Variants in PPM1A observed in about 807,000 individuals in gnomAD.
PPM1A encodes protein phosphatase 1A.
Under a neutral mutation model 35.0 loss-of-function variants are expected in PPM1A, and 7 were observed. That is an observed-to-expected ratio of 0.20 (90% CI 0.11 to 0.38). The LOEUF is 0.38. Among genes scored for constraint, PPM1A ranks in the 10% least tolerant of loss-of-function variants. PPM1A has a pLI of 1.00. For missense variants in PPM1A, 239 were observed against 467.8 expected, an observed-to-expected ratio of 0.51 and a Z score of 4.51; for synonymous variants, 153 against 167.3, an observed-to-expected ratio of 0.91 and a Z score of 0.66.
chr14:60,255,174 G>GTTTT (rs1219454729), intron 1 of PPM1A, among the ~76,000 whole-genome samples: 2 of 55,232 alleles, frequency 3.6e-5, no homozygotes, highest in African/African-American at 1.7e-4. Context: ...TTTTTTTTTT[G>GTTTT]TTTTGTTTTG....
rs1021199754 is a variant in PPM1A at position 60,295,619 on chromosome 14, C to G, written c.*3137C>G. Reference sequence around the variant, plus strand: ...AACTCAGTTTTTTTACAAAATGTTTCGAGTATTATTGGTAAAACACTGTTC... The same window carrying G: ...AACTCAGTTTTTTTACAAAATGTTTGGAGTATTATTGGTAAAACACTGTTC... On this transcript the variant is annotated 3_prime_UTR_variant, in exon 6 of 6. Coordinates refer to ENST00000395076, the MANE Select transcript of PPM1A (RefSeq NM_021003.5). The G allele has an allele frequency of 6.6e-6, 1 of 151,486 alleles. No homozygotes were observed. The highest frequency in any genetic ancestry group is 2.4e-5 in the African/African-American group (1 of 41,320). 9.4% of individuals were successfully genotyped at this position (151,486 alleles called of 1,614,324 possible).
At position 60,298,195 on chromosome 14, in the gene PPM1A, CAG is replaced by C. The variant is rs1013921865; in HGVS notation, c.*5715_*5716del. On this transcript the variant is annotated 3_prime_UTR_variant, in exon 6 of 6. Transcript: ENST00000395076. The stretch of plus-strand genomic sequence containing the variant: ...GAAATTCAACAGAAAAGAGGTAAAA[CAG>C]AAATGGAATGTATCTGGAACATTTT... 1 of 151,538 alleles carries C rather than the reference CAG, an allele frequency of 6.6e-6. No homozygotes were observed. Among genetic ancestry groups the C allele is most frequent in the African/African-American group, 2.4e-5 (1 of 41,362 alleles). 9.4% of individuals were successfully genotyped at this position (151,538 alleles called of 1,614,324 possible).
At chr14:60,247,909 T>C (rs1416907147), upstream of PPM1A, among the ~76,000 whole-genome samples, 1 of 152,160 alleles carries the variant, frequency 6.6e-6, no homozygotes, top group Admixed American at 6.5e-5. Context: ...CAGAACTCAA[T>C]TTGGCCAGTA....
In PPM1A at chr14:60,289,212, C is replaced by T. The variant is rs1035042596; in HGVS notation, c.953-594C>T. On this transcript the variant is annotated intron_variant, in intron 3 of 5. Transcript: ENST00000395076. This position sits in a 1 kb window ranked among gnomAD's most constrained non-coding sequence, Gnocchi z 4.1. ...AAGGAAATGGTATTATATATCTATA[C>T]AGTATATTGTTTAAAGGTACTTTAG... Among the ~76,000 whole-genome samples, 2 of 151,976 alleles carry T rather than the reference C, an allele frequency of 1.3e-5. No homozygotes were observed. Among genetic ancestry groups the T allele is most frequent in the Admixed American group, 6.6e-5 (1 of 15,244 alleles).
chr14:60,269,676 G>A (rs1181363471), intron 1 of PPM1A, among the ~76,000 whole-genome samples: 1 of 152,110 alleles, frequency 6.6e-6, no homozygotes, highest in East Asian at 1.9e-4. Context: ...AACCTCCCGA[G>A]TAGCTGGGAT....
intron 1 of PPM1A, among the ~76,000 whole-genome samples, chr14:60,255,162 T>C (rs1595264552): frequency 9.4e-6 from 1 of 106,718 alleles, no homozygotes; most frequent in South Asian, 2.9e-4. Flanking sequence ...ATCATATGTT[T>C]TTTTTTTTTT....
At chr14:60,252,367 G>A (rs1263804472) in intron 1 of PPM1A, among the ~76,000 whole-genome samples, 1 of 152,144 alleles carries the variant, frequency 6.6e-6, no homozygotes, top group Non-Finnish European at 1.5e-5. Context: ...TCTTGCCTGG[G>A]CACCTGACTC....
intron 1 of PPM1A, among the ~76,000 whole-genome samples, chr14:60,263,952 C>A (rs1884080384): frequency 6.9e-6 from 1 of 144,806 alleles, no homozygotes; most frequent in Non-Finnish European, 1.5e-5. Flanking sequence ...AATGTAATTT[C>A]TACTTTTTTT....
intron 1 of PPM1A, among the ~76,000 whole-genome samples, chr14:60,250,083 G>T (rs1882193134): frequency 6.6e-6 from 1 of 151,740 alleles, no homozygotes; most frequent in Admixed American, 6.5e-5. Flanking sequence ...CGGGCGCGCC[G>T]CCCCGGCTGT....
chr14:60,277,046 G>A, intron 1 of PPM1A: 1 of 1,210,712 alleles, frequency 8.3e-7, no homozygotes, highest in South Asian at 1.5e-5. Flanking sequence ...TAATACTAGT[G>A]CTGTGATGAG....
intron 1 of PPM1A, among the ~76,000 whole-genome samples, chr14:60,281,311 G>C (rs1046808892): frequency 3.9e-5 from 6 of 152,158 alleles, no homozygotes; most frequent in South Asian, 4.1e-4. Flanking sequence ...CAGAGGAGTA[G>C]GCAGATGGTT....
intron 1 of PPM1A, among the ~76,000 whole-genome samples, chr14:60,280,024 C>A (rs979462418): frequency 6.6e-6 from 1 of 151,382 alleles, no homozygotes; most frequent in Admixed American, 6.6e-5. Context: ...TTTTTTGAGA[C>A]GGAGTCTCGC....
intron 2 of PPM1A, among the ~76,000 whole-genome samples, chr14:60,284,636 C>T (rs1490491586): frequency 6.5e-5 from 9 of 138,034 alleles, no homozygotes; most frequent in Non-Finnish European, 1.2e-4. Context: ...AGCGAGACTC[C>T]GTCTCAAAAA....
In PPM1A at chr14:60,296,424, T is replaced by A. The variant is rs1888067722; in HGVS notation, c.*3942T>A. On this transcript the variant is annotated 3_prime_UTR_variant, in exon 6 of 6. Transcript: ENST00000395076. This position sits in a 1 kb window ranked among gnomAD's most constrained non-coding sequence, Gnocchi z 4.4. ...TATTAGGATTTGGTATTAGAAAAGA[T>A]GTGTAAATATCTTAGTATATAATTG... is the stretch of plus-strand genomic sequence containing the variant. 1 of 223,460 alleles carries A rather than the reference T, an allele frequency of 4.5e-6. No individual in the cohort carries two copies. The highest frequency in any genetic ancestry group is 8.6e-6 in the Non-Finnish European group (1 of 116,034). 13.8% of individuals were successfully genotyped at this position (223,460 alleles called of 1,614,324 possible).
At position 60,292,626 on chromosome 14, in the gene PPM1A, G is replaced by C; in HGVS notation, c.*144G>C. 2.0e-6 allele frequency: 1 copy of C among 503,802 alleles called. No individual in the cohort carries two copies. Among genetic ancestry groups the C allele is most frequent in the Middle Eastern group, 3.7e-4 (1 of 2,722 alleles). 31.2% of individuals were successfully genotyped at this position (503,802 alleles called of 1,614,324 possible). On this transcript the variant is annotated 3_prime_UTR_variant, in exon 6 of 6. Coordinates refer to ENST00000395076, the MANE Select transcript of PPM1A (RefSeq NM_021003.5). The surrounding 1 kb of genome is among the most constrained non-coding windows in gnomAD (Gnocchi z 4.2). Reference sequence around the variant, plus strand: ...ATGATTACATCAGAGAACTTCAGCAGTACAACAGCTAGCCCAGAACTGATT... The same window carrying C: ...ATGATTACATCAGAGAACTTCAGCACTACAACAGCTAGCCCAGAACTGATT...
At position 60,293,785 on chromosome 14, in the gene PPM1A, A is replaced by G. The variant is rs1234674108; in HGVS notation, c.*1303A>G. The G allele has an allele frequency of 6.6e-6, 1 of 151,906 alleles. No individual in the cohort carries two copies. Among genetic ancestry groups the G allele is most frequent in the African/African-American group, 2.4e-5 (1 of 41,404 alleles). 9.4% of individuals were successfully genotyped at this position (151,906 alleles called of 1,614,324 possible). A position where few individuals can be genotyped will look rare whatever the true frequency, so the allele number is the denominator to read the frequency against. On this transcript the variant is annotated 3_prime_UTR_variant, in exon 6 of 6. Transcript: ENST00000395076. The surrounding 1 kb of genome is among the most constrained non-coding windows in gnomAD (Gnocchi z 4.0). ...GTGATTTGAAATATAGCATGTTGAT[A>G]ATATTTAGCTGTTGGCCTTTACAAA...
At chr14:60,291,287 A>G in intron 4 of PPM1A, 110 bp from the exon 5 acceptor site, 1 of 683,854 alleles carries the variant, frequency 1.5e-6, no homozygotes, top group Middle Eastern at 2.7e-4. Flanking sequence ...AACTAAAATA[A>G]TATCTGAGTA....
In PPM1A at chr14:60,295,451, G is replaced by A. The variant is rs541293515; in HGVS notation, c.*2969G>A. On this transcript the variant is annotated 3_prime_UTR_variant, in exon 6 of 6. Coordinates refer to ENST00000395076, the MANE Select transcript of PPM1A (RefSeq NM_021003.5). ...TGCTTCTAGAGTACTTAATGCAACT[G>A]CTCTAGCCACTTAATTTTTTATACT... 7 of 151,766 alleles carry A rather than the reference G, an allele frequency of 4.6e-5. No homozygotes were observed. The highest frequency in any genetic ancestry group is 7.4e-5 in the Non-Finnish European group (5 of 67,698). The allele number at this position is 151,766 out of a possible 1,614,324, so 9.4% of individuals were successfully genotyped here.
At chr14:60,290,283 C>A (rs6573304) in intron 4 of PPM1A, among the ~76,000 whole-genome samples, 50,095 of 151,894 alleles carry the variant, frequency 0.33, 8,618 homozygotes, top group South Asian at 0.44. Context: ...TTGGTCAATC[C>A]CTGAGTAACT....
Sources: allele counts gnomAD v4.1 joint callset (sites outside exome capture counted in the v4.1 genomes callset), GRCh38; gene constraint gnomAD v4.1.1; non-coding constraint Gnocchi (gnomAD v3.1); transcripts MANE v1.5; gene names NCBI Gene and HGNC (gene_info 2026-07-23, HGNC 2026-07-21).